The following IL6R variants were observed in gnomAD, a reference collection of about 807,000 sequenced individuals.
The protein encoded by IL6R is interleukin-6 receptor subunit alpha.
A neutral mutation model predicts 48.3 loss-of-function variants in IL6R; 38 were observed. That is an observed-to-expected ratio of 0.79 (90% CI 0.61 to 1.03). The LOEUF is 1.03. IL6R is among the 50% of genes least tolerant of loss of function. The probability of loss-of-function intolerance (pLI) is 0.00; values close to 1 mark genes in which losing one functional copy is unlikely to be tolerated. For synonymous variants in IL6R, 264 were observed against 256.2 expected, an observed-to-expected ratio of 1.03 and a Z score of -0.29; for missense variants, 534 against 618.3, an observed-to-expected ratio of 0.86 and a Z score of 1.45.
At chr1:154,460,604 A>G (rs1030998894) in intron 9 of IL6R, among the ~76,000 whole-genome samples, 2 of 152,240 alleles carry the variant, frequency 1.3e-5, no homozygotes, top group African/African-American at 4.8e-5. Flanking sequence ...TAATTTTCAA[A>G]ATGTAAATGT....
chr1:154,421,004 C>T (rs1002562070), intron 1 of IL6R, among the ~76,000 whole-genome samples: 7 of 152,166 alleles, frequency 4.6e-5, no homozygotes, highest in Non-Finnish European at 8.8e-5. Flanking sequence ...ATACTGCCTC[C>T]TTTTGTGATC....
At chr1:154,430,862 T>A (rs1474048424) in intron 3 of IL6R, among the ~76,000 whole-genome samples, 1 of 152,198 alleles carries the variant, frequency 6.6e-6, no homozygotes, top group Non-Finnish European at 1.5e-5. Context: ...GGGCTTTATT[T>A]TTCTCACTTA....
At position 154,465,401 on chromosome 1, in the gene IL6R, G is replaced by C; in HGVS notation, c.*21G>C. 3.7e-6 allele frequency: 6 copies of C among 1,613,240 alleles called. No homozygotes were observed. The highest frequency in any genetic ancestry group is 5.1e-6 in the Non-Finnish European group (6 of 1,179,280). Reference sequence around the variant, plus strand: ...GATAGCTGGCTGGGTGGCACCAGCAGCCTGGACCCTGTGGATGATAAAACA... The same window carrying C: ...GATAGCTGGCTGGGTGGCACCAGCACCCTGGACCCTGTGGATGATAAAACA... On this transcript the variant is annotated 3_prime_UTR_variant, in exon 10 of 10. Coordinates refer to ENST00000368485, the MANE Select transcript of IL6R (RefSeq NM_000565.4).
At position 154,462,575 on chromosome 1, in the gene IL6R, A is replaced by G. The variant is rs183648370; in HGVS notation, c.1161-2559A>G. On this transcript the variant is annotated intron_variant, in intron 9 of 9. Transcript: ENST00000368485. ...TTTTTAATAGAGGTGGGGTTTCACA[A>G]TGTTGGTCAGGCTGGTCTCGAACTC... is the stretch of plus-strand genomic sequence containing the variant. Among the ~76,000 whole-genome samples the G allele has an allele frequency of 2.0e-5, 3 of 151,928 alleles. No homozygotes were observed. The East Asian group carries it at 5.8e-4, about 30-fold the overall frequency.
chr1:154,445,663 T>C (rs973008037), intron 6 of IL6R, among the ~76,000 whole-genome samples: 3 of 150,928 alleles, frequency 2.0e-5, no homozygotes, highest in African/African-American at 7.3e-5. Flanking sequence ...GGCAGGAGAA[T>C]GGCTTGAACC....
intron 9 of IL6R, among the ~76,000 whole-genome samples, chr1:154,458,071 A>G (rs570994624): frequency 4.8e-5 from 7 of 145,696 alleles, no homozygotes; most frequent in African/African-American, 1.8e-4. Flanking sequence ...GGTTCACGCC[A>G]TTCTCCCGCC....
chr1:154,435,097 A>G lies in IL6R; in HGVS notation c.748A>G (p.Arg250Gly). 1.2e-6 allele frequency: 2 copies of G among 1,614,192 alleles called. No homozygotes were observed. Among genetic ancestry groups the G allele is most frequent in the East Asian group, 4.5e-5 (2 of 44,888 alleles). Residue 250 changes from arginine (R) to glycine (G), a missense_variant, in exon 5 of 10, where the codon AGA becomes GGA. Coordinates refer to ENST00000368485, the MANE Select transcript of IL6R (RefSeq NM_000565.4). Reference protein sequence around the residue: ...DPHSWNSSFYRLRFELRYRAE... With the variant: ...DPHSWNSSFYGLRFELRYRAE... ...CCACTCCTGGAACTCATCTTTCTAC[A>G]GACTACGGTTTGAGCTCAGATATCG...
Position 154,405,765 on chromosome 1 carries a change from A to T in IL6R, c.85+51A>T. On this transcript the variant is annotated intron_variant, in intron 1 of 9. Coordinates refer to ENST00000368485, the MANE Select transcript of IL6R (RefSeq NM_000565.4). This position sits in a 1 kb window ranked among gnomAD's most constrained non-coding sequence, Gnocchi z 5.2. ...GGCTGGGGCAGCTAGCGGCTGGGGG[A>T]AACCGCCTTGGTCACCGCAGTCTGT... The T allele has an allele frequency of 7.6e-7, 1 of 1,317,656 alleles. No homozygotes were observed. The allele number at this position is 1,317,656 out of a possible 1,614,324, so 81.6% of individuals were successfully genotyped here.
At chr1:154,450,104 C>CTGTGTGTGTGTGTGTGTGTGTGTGTG (rs71586016) in intron 8 of IL6R, 124 bp downstream of exon 8, 2 of 480,834 alleles carry the variant, frequency 4.2e-6, no homozygotes, top group Non-Finnish European at 7.9e-6. Context: ...CAGAAATGTT[C>CTGTGTGTGTGTGTGTGTGTGTGTGTG]TGTGTGTGTG....
At chr1:154,423,193 G>A (rs997750604) in intron 1 of IL6R, among the ~76,000 whole-genome samples, 23 of 146,694 alleles carry the variant, frequency 1.6e-4, no homozygotes, top group South Asian at 4.3e-4. Flanking sequence ...GCGCTCTGCC[G>A]TGCCCTCTCC....
At chr1:154,459,675 T>A (rs1260335451) in intron 9 of IL6R, among the ~76,000 whole-genome samples, 2 of 152,212 alleles carry the variant, frequency 1.3e-5, no homozygotes, top group African/African-American at 4.8e-5. Flanking sequence ...GATGATTTTT[T>A]AAAATTTAAA....
intron 1 of IL6R, among the ~76,000 whole-genome samples, chr1:154,426,563 CAGA>C: frequency 6.6e-6 from 1 of 150,958 alleles, no homozygotes; most frequent in Non-Finnish European, 1.5e-5. Context: ...CATATCACAG[CAGA>C]AGACTATATT....
chr1:154,411,151 C>T (rs1056209079), intron 1 of IL6R, among the ~76,000 whole-genome samples: 16 of 152,200 alleles, frequency 1.1e-4, no homozygotes, highest in East Asian at 1.9e-4. Flanking sequence ...CTCTGCCTCC[C>T]GGGTTCAAGC....
At position 154,469,169 on chromosome 1, in the gene IL6R, G is replaced by A. The variant is rs1691681978; in HGVS notation, c.*3789G>A. On this transcript the variant is annotated 3_prime_UTR_variant, in exon 10 of 10. Transcript: ENST00000368485. ...AATTCTACTTTAGGAGGAAAGGATT[G>A]GAACAGCATGTCACAAGGCTGTTAA... 6.6e-6 allele frequency: 1 copy of A among 152,226 alleles called. No homozygotes were observed. Among genetic ancestry groups the A allele is most frequent in the Admixed American group, 6.5e-5 (1 of 15,284 alleles). 9.4% of individuals were successfully genotyped at this position (152,226 alleles called of 1,614,324 possible).
chr1:154,449,794 A>G (rs1329823468), intron 7 of IL6R, 117 bp from the exon 8 acceptor site: 1 of 733,624 alleles, frequency 1.4e-6, no homozygotes, highest in Non-Finnish European at 2.5e-6. Flanking sequence ...TGAAATGGAG[A>G]AAGGAATGCT....
rs1571000982 is a variant in IL6R, at chr1:154,454,331, G to A, written c.1067-157G>A. On this transcript the variant is annotated intron_variant, in intron 8 of 9. Transcript: ENST00000368485. ...GTTAAGCTTGTCAAATGGCCTGTTG[G>A]TTGGCAGAGCTGTTTCATTTTCTGG... The A allele has an allele frequency of 1.6e-5, 10 of 611,566 alleles. No individual in the cohort carries two copies. In the East Asian group the frequency reaches 2.7e-4, roughly 17 times the overall value. 37.9% of individuals were successfully genotyped at this position (611,566 alleles called of 1,614,324 possible).
chr1:154,447,033 TG>T (rs1463415696), intron 6 of IL6R, among the ~76,000 whole-genome samples: 20 of 152,228 alleles, frequency 1.3e-4, no homozygotes, highest in African/African-American at 4.8e-4. Context: ...CCCAGATACT[TG>T]GGAAGCTGAG....
chr1:154,434,564 C>T lies in IL6R; in HGVS notation c.504C>T (p.Ser168=), dbSNP rs1689498422. 6.2e-7 allele frequency: 1 copy of T among 1,614,004 alleles called. No homozygotes were observed. Among genetic ancestry groups the T allele is most frequent in the Non-Finnish European group, 8.5e-7 (1 of 1,179,988 alleles). ...ACTTCCAGGAGCCGTGCCAGTATTC[C>T]CAGGAGTCCCAGAAGTTCTCCTGCC... ...AEDFQEPCQY[S]QESQKFSCQL... is the part of the protein sequence containing the mutation. Residue 168 remains serine, a synonymous_variant, in exon 4 of 10, where the codon TCC becomes TCT. Coordinates refer to ENST00000368485, the MANE Select transcript of IL6R (RefSeq NM_000565.4).
chr1:154,456,341 G>A (rs1012162789), intron 9 of IL6R, among the ~76,000 whole-genome samples: 1 of 151,884 alleles, frequency 6.6e-6, no homozygotes, highest in South Asian at 2.1e-4. Context: ...GAGTAGCTGG[G>A]ATTGCAGGTG....
Sources: gnomAD v4.1 joint callset for allele counts (sites outside exome capture counted in the v4.1 genomes callset) on GRCh38, gnomAD v4.1.1 for gene constraint, Gnocchi (gnomAD v3.1) non-coding constraint, MANE v1.5 for transcripts, NCBI Gene and HGNC (gene_info 2026-07-23, HGNC 2026-07-21) for gene names.